Variants in PDZRN4 observed in about 807,000 individuals in gnomAD.
PDZRN4 encodes PDZ domain-containing RING finger protein 4.
In PDZRN4, 70 loss-of-function variants were observed where a neutral mutation model predicts 99.0. The ratio of observed to expected loss-of-function variants is 0.71; its 90% CI spans 0.58 to 0.86. PDZRN4 has a LOEUF of 0.86. Among genes scored for constraint, PDZRN4 ranks in the 40% least tolerant of loss-of-function variants. The pLI is 0.00. For missense variants in PDZRN4, 1,474 were observed against 1,331.2 expected (o/e 1.11, Z -1.67); for synonymous variants, 551 against 501.6 (o/e 1.10, Z -1.32).
intron 3 of PDZRN4, among the ~76,000 whole-genome samples, chr12:41,346,681 T>A (rs1041285874): frequency 6.6e-6 from 1 of 152,140 alleles, no homozygotes; most frequent in East Asian, 1.9e-4. Context: ...TGATGGTGGA[T>A]GGTACTAAAT....
intron 3 of PDZRN4, among the ~76,000 whole-genome samples, chr12:41,330,543 T>C (rs1951736122): frequency 6.6e-6 from 1 of 151,486 alleles, no homozygotes; most frequent in African/African-American, 2.4e-5. Flanking sequence ...TAGTACCTAT[T>C]CCATAAAGCT....
At chr12:41,539,334 T>G (rs1186100688) in intron 5 of PDZRN4, among the ~76,000 whole-genome samples, 1 of 151,910 alleles carries the variant, frequency 6.6e-6, no homozygotes, top group Non-Finnish European at 1.5e-5. Flanking sequence ...TTTTATGATC[T>G]TTTGTTATAT....
chr12:41,383,040 A>G (rs1952138375), intron 3 of PDZRN4, among the ~76,000 whole-genome samples: 1 of 152,204 alleles, frequency 6.6e-6, no homozygotes, highest in African/African-American at 2.4e-5. Flanking sequence ...AACATAAGTG[A>G]ATTCCATTTT....
At chr12:41,540,157 G>C (rs528145456) in intron 5 of PDZRN4, among the ~76,000 whole-genome samples, 37 of 152,250 alleles carry the variant, frequency 2.4e-4, no homozygotes, top group African/African-American at 8.7e-4. Context: ...CATCAATTCA[G>C]GATCAGCCCA....
At chr12:41,403,228 G>A (rs879337149) in intron 3 of PDZRN4, among the ~76,000 whole-genome samples, 1 of 152,120 alleles carries the variant, frequency 6.6e-6, no homozygotes, top group African/African-American at 2.4e-5. Context: ...AAACCTCGGG[G>A]TGAAAGTTTG....
intron 3 of PDZRN4, among the ~76,000 whole-genome samples, chr12:41,305,392 T>C (rs1951562231): frequency 6.6e-6 from 1 of 152,164 alleles, no homozygotes; most frequent in South Asian, 2.1e-4. Flanking sequence ...TACTATTAAG[T>C]GTTAGTTATT....
chr12:41,529,830 C>G (rs376360876), intron 5 of PDZRN4, among the ~76,000 whole-genome samples: 61 of 152,248 alleles, frequency 4.0e-4, no homozygotes, highest in African/African-American at 1.2e-3. Context: ...CTGACATTTT[C>G]CTTCTCTCTG....
intron 3 of PDZRN4, among the ~76,000 whole-genome samples, chr12:41,490,423 C>A (rs1324422413): frequency 6.6e-6 from 1 of 152,020 alleles, no homozygotes; most frequent in Non-Finnish European, 1.5e-5. Context: ...CTCAGCGTGT[C>A]TAAATGGGCC....
chr12:41,565,519 GTT>G (rs11342815), intron 8 of PDZRN4, among the ~76,000 whole-genome samples: 6 of 145,844 alleles, frequency 4.1e-5, no homozygotes, highest in African/African-American at 1.2e-4. Context: ...ATTGTTGTAT[GTT>G]TTTTTTTTGC....
intron 8 of PDZRN4, among the ~76,000 whole-genome samples, chr12:41,565,731 C>T (rs1391283022): frequency 6.6e-6 from 1 of 152,036 alleles, no homozygotes; most frequent in East Asian, 1.9e-4. Context: ...CATTTTCTGC[C>T]CATTTTCTTC....
chr12:41,291,118 T>A (rs934575123), intron 3 of PDZRN4, among the ~76,000 whole-genome samples: 1 of 152,168 alleles, frequency 6.6e-6, no homozygotes, highest in African/African-American at 2.4e-5. Context: ...AATTATGTTA[T>A]CCATTAGATT....
intron 3 of PDZRN4, among the ~76,000 whole-genome samples, chr12:41,480,742 A>T (rs941567230): frequency 6.6e-6 from 1 of 152,088 alleles, no homozygotes. Context: ...TTGTCAACAG[A>T]AAGCAAGATA....
chr12:41,331,073 A>G (rs1951738678), intron 3 of PDZRN4, among the ~76,000 whole-genome samples: 1 of 152,150 alleles, frequency 6.6e-6, no homozygotes, highest in South Asian at 2.1e-4. Context: ...GAAGACTAAC[A>G]TCGCAAATTG....
At chr12:41,228,141 A>G (rs1951007435) in intron 3 of PDZRN4, among the ~76,000 whole-genome samples, 1 of 152,156 alleles carries the variant, frequency 6.6e-6, no homozygotes, top group Non-Finnish European at 1.5e-5. Context: ...ACTGAATGCC[A>G]CATCTACTTA....
intron 5 of PDZRN4, among the ~76,000 whole-genome samples, chr12:41,542,667 TC>T (rs1380444480): frequency 7.9e-5 from 12 of 152,292 alleles, no homozygotes; most frequent in African/African-American, 2.9e-4. Flanking sequence ...TGAATGAAAG[TC>T]AGGAGGCCTG....
intron 3 of PDZRN4, among the ~76,000 whole-genome samples, chr12:41,320,773 A>G (rs1408260592): frequency 6.6e-6 from 1 of 152,214 alleles, no homozygotes; most frequent in Non-Finnish European, 1.5e-5. Context: ...CTTTTGAATG[A>G]CAATCTGTGA....
chr12:41,452,618 G>C (rs1458159), intron 3 of PDZRN4, among the ~76,000 whole-genome samples: 78,415 of 151,732 alleles, frequency 0.52, 20,741 homozygotes, highest in African/African-American at 0.65. Flanking sequence ...GTTACTTAGG[G>C]ATATAGAGAC....
intron 5 of PDZRN4, among the ~76,000 whole-genome samples, chr12:41,546,791 G>A (rs765298316): frequency 4.6e-5 from 7 of 152,190 alleles, no homozygotes; most frequent in African/African-American, 7.2e-5. Context: ...GTGCTGGAGT[G>A]GGAATGCAAG....
At chr12:41,534,542 A>G (rs285555) in intron 5 of PDZRN4, among the ~76,000 whole-genome samples, 1,900 of 151,920 alleles carry the variant, frequency 0.013, 40 homozygotes, top group African/African-American at 0.043. Flanking sequence ...GAGAATATGC[A>G]TTGTTTGTTT....
Sources: gnomAD v4.1 joint callset for allele counts (sites outside exome capture counted in the v4.1 genomes callset) on GRCh38, gnomAD v4.1.1 for gene constraint, MANE v1.5 for transcripts, NCBI Gene and HGNC (gene_info 2026-07-23, HGNC 2026-07-21) for gene names.